EFCAB6: variants seen among roughly 807,000 people sequenced by gnomAD.
The protein encoded by EFCAB6 is EF-hand calcium binding domain 6.
A neutral mutation model predicts 169.8 loss-of-function variants in EFCAB6; 156 were observed. That is an observed-to-expected ratio of 0.92 (90% confidence interval 0.81 to 1.05). The LOEUF is 1.05. EFCAB6 is among the 50% of genes least tolerant of loss of function. The pLI is 0.00. For synonymous variants in EFCAB6, 698 were observed against 676.4 expected, an observed-to-expected ratio of 1.03 and a Z score of -0.50; for missense variants, 1,800 against 1,829.1, an observed-to-expected ratio of 0.98 and a Z score of 0.29.
rs944801317 is a variant in EFCAB6, at chr22:43,630,706, C to T, written c.2232+1399G>A. Among the ~76,000 whole-genome samples the T allele has an allele frequency of 1.6e-4, 24 of 152,316 alleles. 1 individual carries two copies. The highest frequency in any genetic ancestry group is 1.1e-3 in the Admixed American group (17 of 15,300). ...TCCGTTCTGCTCTCTCTCCCTGCAGCGGCCGCTGCCTCCCACCCAGCTCGG... is the reference window on the plus strand; with the variant it reads ...TCCGTTCTGCTCTCTCTCCCTGCAGTGGCCGCTGCCTCCCACCCAGCTCGG... On this transcript the variant is annotated intron_variant, in intron 19 of 31. Transcript: ENST00000262726.
intron 6 of EFCAB6, among the ~76,000 whole-genome samples, chr22:43,750,076 C>G (rs1172645394): frequency 6.6e-6 from 1 of 152,050 alleles, no homozygotes; most frequent in Non-Finnish European, 1.5e-5. Context: ...AACATTTACC[C>G]CTACAATCTT....
At chr22:43,700,597 C>T (rs572927113) in intron 10 of EFCAB6, among the ~76,000 whole-genome samples, 2 of 152,250 alleles carry the variant, frequency 1.3e-5, no homozygotes, top group African/African-American at 4.8e-5. Context: ...CAGAACGGTC[C>T]CCTCGTGCTG....
At chr22:43,703,998 T>G (rs1258998332) in intron 10 of EFCAB6, among the ~76,000 whole-genome samples, 1 of 151,954 alleles carries the variant, frequency 6.6e-6, no homozygotes, top group African/African-American at 2.4e-5. Flanking sequence ...GATACCAGTA[T>G]CCCCAAGTTA....
At chr22:43,574,099 C>G (rs1199625929) in intron 26 of EFCAB6, among the ~76,000 whole-genome samples, 1 of 151,666 alleles carries the variant, frequency 6.6e-6, no homozygotes, top group African/African-American at 2.4e-5. Flanking sequence ...GATTTACATG[C>G]AAAGTGCTCA....
rs571640338 is a variant in EFCAB6, at chr22:43,796,895, T to C, written c.-8+12100A>G. On this transcript the variant is annotated intron_variant, in intron 2 of 31. Coordinates refer to ENST00000262726, the MANE Select transcript of EFCAB6 (RefSeq NM_022785.4). ...CTGGATTGTCGAGTGGGCCCTGCTG[T>C]CTCGCAGTGACGTGGATGGAATCAT... Among the ~76,000 whole-genome samples, 4 of 152,334 alleles carry C rather than the reference T, an allele frequency of 2.6e-5. No homozygotes were observed. In the South Asian group the frequency reaches 8.3e-4, roughly 32 times the overall value.
chr22:43,763,553 A>G (rs1337410726), intron 5 of EFCAB6, among the ~76,000 whole-genome samples: 2 of 152,190 alleles, frequency 1.3e-5, no homozygotes, highest in Non-Finnish European at 2.9e-5. Flanking sequence ...TCAGTGATGC[A>G]TCCGTCATAA....
chr22:43,679,211 C>T (rs552055889), intron 12 of EFCAB6, among the ~76,000 whole-genome samples: 4 of 152,156 alleles, frequency 2.6e-5, no homozygotes, highest in African/African-American at 4.8e-5. Context: ...TAGATATTTG[C>T]CTTTTTCTGG....
At chr22:43,606,808 C>G (rs1387276479) in intron 22 of EFCAB6, among the ~76,000 whole-genome samples, 1 of 152,232 alleles carries the variant, frequency 6.6e-6, no homozygotes, top group Non-Finnish European at 1.5e-5. Flanking sequence ...TAGCCACAAG[C>G]CAACAGTGAG....
intron 22 of EFCAB6, among the ~76,000 whole-genome samples, chr22:43,604,783 T>C (rs1374084696): frequency 6.6e-6 from 1 of 152,096 alleles, no homozygotes; most frequent in East Asian, 1.9e-4. Flanking sequence ...AATACTGATA[T>C]ATAACTCACC....
At chr22:43,604,204 A>T (rs947006145) in intron 22 of EFCAB6, among the ~76,000 whole-genome samples, 1 of 152,146 alleles carries the variant, frequency 6.6e-6, no homozygotes, top group Non-Finnish European at 1.5e-5. Flanking sequence ...AGTCTCAGGT[A>T]TTTCTTTATA....
intron 27 of EFCAB6, chr22:43,552,092 A>C (rs1474655194): frequency 6.6e-6 from 1 of 151,960 alleles, no homozygotes; most frequent in Non-Finnish European, 1.5e-5. Flanking sequence ...CAGCCTCCCA[A>C]AATGCTGGGA....
intron 5 of EFCAB6, among the ~76,000 whole-genome samples, chr22:43,761,149 T>A (rs141738124): frequency 6.6e-6 from 1 of 152,156 alleles, no homozygotes; most frequent in Non-Finnish European, 1.5e-5. Context: ...CTCCTTCCAC[T>A]CTGCAAGGAT....
intron 10 of EFCAB6, among the ~76,000 whole-genome samples, chr22:43,710,450 A>T: frequency 6.6e-6 from 1 of 152,248 alleles, no homozygotes; most frequent in East Asian, 1.9e-4. Flanking sequence ...AGAAAAAATC[A>T]TTAAGAAAAT....
intron 2 of EFCAB6, among the ~76,000 whole-genome samples, chr22:43,793,635 C>T: frequency 6.6e-6 from 1 of 152,222 alleles, no homozygotes; most frequent in East Asian, 1.9e-4. Flanking sequence ...GCATCTCCAA[C>T]TAACACTACT....
intron 8 of EFCAB6, among the ~76,000 whole-genome samples, chr22:43,718,391 A>G (rs1486596022): frequency 6.6e-6 from 1 of 152,178 alleles, no homozygotes; most frequent in Non-Finnish European, 1.5e-5. Context: ...ACAAACTGCC[A>G]GTCATCTGGA....
chr22:43,721,484 A>G (rs946419782), intron 8 of EFCAB6, among the ~76,000 whole-genome samples: 4 of 152,220 alleles, frequency 2.6e-5, no homozygotes, highest in African/African-American at 4.8e-5. Context: ...AGTCTACCCA[A>G]CTACAAACTA....
chr22:43,711,639 A>G lies in EFCAB6; in HGVS notation c.883-16T>C. 1 of 1,575,388 alleles carries G rather than the reference A, an allele frequency of 6.3e-7. No individual in the cohort carries two copies. The highest frequency in any genetic ancestry group is 1.2e-5 in the South Asian group (1 of 82,888). On this transcript the variant is annotated splice_polypyrimidine_tract_variant and intron_variant, in intron 9 of 31. Coordinates refer to ENST00000262726, the MANE Select transcript of EFCAB6 (RefSeq NM_022785.4). Reference sequence around the variant, plus strand: ...ACTTCGAAAGCTGCAATAAATTGAAATTAGAGTGTGGCGTTCATAAATATC... The same window carrying G: ...ACTTCGAAAGCTGCAATAAATTGAAGTTAGAGTGTGGCGTTCATAAATATC...
intron 20 of EFCAB6, among the ~76,000 whole-genome samples, chr22:43,620,461 C>T (rs1248317664): frequency 6.7e-6 from 1 of 148,764 alleles, no homozygotes; most frequent in Non-Finnish European, 1.5e-5. Context: ...AGTGCTGAAA[C>T]AAAAGGAATG....
chr22:43,658,237 T>TATAAA (rs538478994), intron 17 of EFCAB6, among the ~76,000 whole-genome samples: 1,860 of 151,708 alleles, frequency 0.012, 28 homozygotes, highest in Admixed American at 0.023. Context: ...GTCTCAAAAA[T>TATAAA]ATAAAATAAA....
Sources: allele counts gnomAD v4.1 joint callset (sites outside exome capture counted in the v4.1 genomes callset), GRCh38; gene constraint gnomAD v4.1.1; transcripts MANE v1.5; gene names NCBI Gene and HGNC (gene_info 2026-07-23, HGNC 2026-07-21).